CLNK: variants seen among roughly 807,000 people sequenced by gnomAD.
CLNK encodes the protein cytokine-dependent hematopoietic cell linker.
In CLNK, 74 loss-of-function variants were observed where a neutral mutation model predicts 68.6. That is an observed-to-expected ratio of 1.08 (90% CI 0.89 to 1.31). CLNK has a LOEUF of 1.31. Ranked by LOEUF, CLNK falls within the 50% of genes most tolerant of loss-of-function variation. CLNK has a pLI of 0.00. For synonymous variants in CLNK, 198 were observed against 172.2 expected (o/e 1.15, Z -1.17); for missense variants, 553 against 515.3 (o/e 1.07, Z -0.71).
chr4:10,493,200 C>G (rs185006870), intron 18 of CLNK, among the ~76,000 whole-genome samples: 2 of 152,308 alleles, frequency 1.3e-5, no homozygotes, highest in African/African-American at 4.8e-5. Context: ...TGCCTGTAAT[C>G]CCAGCTACTT....
the CLNK span, among the ~76,000 whole-genome samples, chr4:10,711,532 T>A: frequency 2.4e-4 from 36 of 152,226 alleles, no homozygotes; most frequent in South Asian, 2.1e-3. Context: ...CTTCATGGAG[T>A]CTTATTGTTT....
intron 8 of CLNK, among the ~76,000 whole-genome samples, chr4:10,553,053 G>C (rs1352868954): frequency 6.8e-6 from 1 of 146,124 alleles, no homozygotes; most frequent in Admixed American, 6.7e-5. Flanking sequence ...GGAAGAGGAG[G>C]GGGGGGCATG....
At chr4:10,643,828 T>C (rs1723409376) in intron 2 of CLNK, among the ~76,000 whole-genome samples, 1 of 152,372 alleles carries the variant, frequency 6.6e-6, no homozygotes, top group Non-Finnish European at 1.5e-5. Context: ...AAATATCTTA[T>C]GTTCCTCAAT....
chr4:10,540,258 C>T (rs942668970), intron 11 of CLNK, among the ~76,000 whole-genome samples: 5 of 152,188 alleles, frequency 3.3e-5, no homozygotes, highest in African/African-American at 1.2e-4. Context: ...GCTTGCTTCC[C>T]CCTCCACCAT....
At chr4:10,503,060 T>C (rs1264709408) in intron 17 of CLNK, among the ~76,000 whole-genome samples, 1 of 152,216 alleles carries the variant, frequency 6.6e-6, no homozygotes. Context: ...CGTGAACACA[T>C]CTACCAGGCT....
At chr4:10,623,090 T>C (rs192681190) in intron 2 of CLNK, among the ~76,000 whole-genome samples, 2 of 152,320 alleles carry the variant, frequency 1.3e-5, no homozygotes, top group East Asian at 3.9e-4. Flanking sequence ...TCCATAGCAG[T>C]AAATTATACC....
rs767111672 is a variant in CLNK at position 10,532,284 on chromosome 4, C to T, written c.603-1G>A. On this transcript the variant is annotated splice_acceptor_variant, in intron 11 of 18. Transcript: ENST00000226951. LOFTEE classifies it high-confidence loss of function. ...ACTTAAGTCCCTTAAGCTTATCTGA[C>T]TGCAAGAAAAAGAAATACGGTGTTA... 4 of 1,609,208 alleles carry T rather than the reference C, an allele frequency of 2.5e-6. No individual in the cohort carries two copies. Among genetic ancestry groups the T allele is most frequent in the Non-Finnish European group, 2.5e-6 (3 of 1,176,488 alleles).
chr4:10,730,155 C>T, the CLNK span, among the ~76,000 whole-genome samples: 1 of 152,186 alleles, frequency 6.6e-6, no homozygotes, highest in South Asian at 2.1e-4. Flanking sequence ...TGGGCACCTA[C>T]CTGGCAAGCT....
chr4:10,502,408 C>T (rs757780100), intron 17 of CLNK, among the ~76,000 whole-genome samples: 8 of 152,044 alleles, frequency 5.3e-5, no homozygotes, highest in Non-Finnish European at 8.8e-5. Context: ...CCCCAAGATC[C>T]AGGTCTCTCC....
intron 18 of CLNK, among the ~76,000 whole-genome samples, chr4:10,497,874 C>T (rs988251852): frequency 6.6e-6 from 1 of 152,220 alleles, no homozygotes; most frequent in Non-Finnish European, 1.5e-5. Context: ...GAAAAAGAAC[C>T]CTTAAACCCA....
Position 10,548,466 on chromosome 4 carries a change from C to T in CLNK, c.446-6186G>A, listed in dbSNP as rs144664781. Among the ~76,000 whole-genome samples, 8 of 152,268 alleles carry T rather than the reference C, an allele frequency of 5.3e-5. 1 individual carries two copies. Among genetic ancestry groups the T allele is most frequent in the South Asian group, 2.1e-4 (1 of 4,816 alleles). ...CATTTTGTAGTTTGCCTTTCTACTC[C>T]GTTGATTCTTTCCTTTGCTGTGGAG... On this transcript the variant is annotated intron_variant, in intron 8 of 18. Coordinates refer to ENST00000226951, the MANE Select transcript of CLNK (RefSeq NM_052964.4).
chr4:10,514,382 G>C (rs1717739639), intron 15 of CLNK, among the ~76,000 whole-genome samples: 1 of 152,142 alleles, frequency 6.6e-6, no homozygotes, highest in African/African-American at 2.4e-5. Flanking sequence ...CCAGTAATGG[G>C]ATGGCCGGAC....
intron 18 of CLNK, among the ~76,000 whole-genome samples, chr4:10,493,984 A>G (rs180771406): frequency 6.6e-6 from 1 of 152,248 alleles, no homozygotes; most frequent in African/African-American, 2.4e-5. Context: ...TGCTCAGCAC[A>G]TGCCAGGCCT....
At chr4:10,685,497 G>T (rs942013134), upstream of CLNK, among the ~76,000 whole-genome samples, 1 of 152,072 alleles carries the variant, frequency 6.6e-6, no homozygotes, top group Non-Finnish European at 1.5e-5. Flanking sequence ...TTTTCTTTCG[G>T]CCTTAATCTT....
At chr4:10,649,710 G>T (rs1463721281) in intron 2 of CLNK, among the ~76,000 whole-genome samples, 1 of 152,042 alleles carries the variant, frequency 6.6e-6, no homozygotes, top group Non-Finnish European at 1.5e-5. Flanking sequence ...TTCCAGCCTA[G>T]ATTGTCTAGA....
At chr4:10,589,908 C>G (rs905887616) in intron 3 of CLNK, among the ~76,000 whole-genome samples, 2 of 152,174 alleles carry the variant, frequency 1.3e-5, no homozygotes, top group Non-Finnish European at 2.9e-5. Context: ...AAGGATGCAC[C>G]CTGGCTGCCT....
chr4:10,490,669 T>A, intron 18 of CLNK, 56 bp from the exon 19 acceptor site: 1 of 1,449,290 alleles, frequency 6.9e-7, no homozygotes, highest in South Asian at 1.3e-5. Flanking sequence ...TGTCTGTAGG[T>A]TAAAGTATAG....
the CLNK span, among the ~76,000 whole-genome samples, chr4:10,716,458 A>G: frequency 6.6e-6 from 1 of 152,152 alleles, no homozygotes; most frequent in African/African-American, 2.4e-5. Flanking sequence ...AAATTTGAGA[A>G]AGCTTAATTG....
At chr4:10,696,442 T>C in the CLNK span, among the ~76,000 whole-genome samples, 1 of 152,192 alleles carries the variant, frequency 6.6e-6, no homozygotes. Context: ...TGCTAAGGCA[T>C]GAGATGCTTT....
Sources: allele counts gnomAD v4.1 joint callset (sites outside exome capture counted in the v4.1 genomes callset), GRCh38; gene constraint gnomAD v4.1.1; transcripts MANE v1.5; gene names NCBI Gene and HGNC (gene_info 2026-07-23, HGNC 2026-07-21).